The following MAP3K4 variants were observed in gnomAD, a reference collection of about 807,000 sequenced individuals.
MAP3K4 encodes mitogen-activated protein kinase kinase kinase 4.
MAP3K4 carries 67 observed loss-of-function variants against 185.6 expected under a neutral mutation model. The ratio of observed to expected loss-of-function variants is 0.36; its 90% confidence interval spans 0.30 to 0.44. The LOEUF (loss-of-function observed/expected upper bound fraction) is 0.44. Among genes scored for constraint, MAP3K4 ranks in the 20% least tolerant of loss-of-function variants. The pLI is 1.00. For synonymous variants in MAP3K4, 702 were observed against 710.4 expected (o/e 0.99, Z 0.19); for missense variants, 1,551 against 1,995.1 (o/e 0.78, Z 4.24).
At chr6:161,020,518 C>T (rs371350619) in intron 1 of MAP3K4, among the ~76,000 whole-genome samples, 2 of 151,836 alleles carry the variant, frequency 1.3e-5, no homozygotes, top group South Asian at 4.2e-4. Flanking sequence ...ATTAGCTGGG[C>T]GTGGTAGTGC....
intron 13 of MAP3K4, 68 bp from the exon 14 acceptor site, chr6:161,092,910 G>T: frequency 1.1e-6 from 1 of 909,826 alleles, no homozygotes; most frequent in Non-Finnish European, 1.8e-6. Context: ...TTTCAGTATT[G>T]TACAGTCTAA....
chr6:161,034,325 T>G lies in MAP3K4; in HGVS notation c.219T>G (p.Asp73Glu). ...AATCTGATCTAGAAGACTTCTCCGA[T>G]GAAACAAATACAGAGAATCTTTATG... is the stretch of plus-strand genomic sequence containing the variant. ...SPESDLEDFS[D>E]ETNTENLYGT... is the part of the protein sequence containing the mutation. Residue 73 changes from aspartate (D) to glutamate (E), a missense_variant, in exon 2 of 27, where the codon GAT becomes GAG. This residue lies in a region of MAP3K4 where 287 missense variants were observed against 268.8 expected (regional missense o/e 1.07). Coordinates refer to ENST00000392142, the MANE Select transcript of MAP3K4 (RefSeq NM_005922.4). The surrounding 1 kb of genome is among the most constrained non-coding windows in gnomAD (Gnocchi z 4.4). 6.2e-7 allele frequency: 1 copy of G among 1,613,986 alleles called. No individual in the cohort carries two copies. Among genetic ancestry groups the G allele is most frequent in the South Asian group, 1.1e-5 (1 of 91,078 alleles).
At chr6:161,002,027 G>A (rs1212475635) in intron 1 of MAP3K4, among the ~76,000 whole-genome samples, 1 of 146,252 alleles carries the variant, frequency 6.8e-6, no homozygotes, top group East Asian at 2.0e-4. Flanking sequence ...AACGTCTGCA[G>A]AAGCCATAGA....
intron 1 of MAP3K4, among the ~76,000 whole-genome samples, chr6:161,013,522 C>T (rs1781943163): frequency 6.6e-6 from 1 of 152,182 alleles, no homozygotes; most frequent in South Asian, 2.1e-4. Context: ...ATTTCAGATT[C>T]ATTTTCTAGG....
chr6:161,005,435 C>G lies in MAP3K4; in HGVS notation c.152+13352C>G, dbSNP rs144827176. Reference sequence around the variant, plus strand: ...GATTAGAGGTGTGAGCCATTGTGCCCAGCTTTAGACTTAAATTGTGTTTAA... The same window carrying G: ...GATTAGAGGTGTGAGCCATTGTGCCGAGCTTTAGACTTAAATTGTGTTTAA... On this transcript the variant is annotated intron_variant, in intron 1 of 26. Transcript: ENST00000392142. Among the ~76,000 whole-genome samples, 1,018 of 152,126 alleles carry G rather than the reference C, an allele frequency of 6.7e-3. 9 individuals carry two copies. The highest frequency in any genetic ancestry group is 0.023 in the African/African-American group (967 of 41,470).
Position 161,034,136 on chromosome 6 carries a change from C to T in MAP3K4, c.153-123C>T. 1.5e-6 allele frequency: 1 copy of T among 677,866 alleles called. No individual in the cohort carries two copies. Among genetic ancestry groups the T allele is most frequent in the East Asian group, 2.8e-5 (1 of 35,268 alleles). 42.0% of individuals were successfully genotyped at this position (677,866 alleles called of 1,614,324 possible). On this transcript the variant is annotated intron_variant, in intron 1 of 26. Coordinates refer to ENST00000392142, the MANE Select transcript of MAP3K4 (RefSeq NM_005922.4). The surrounding 1 kb of genome is among the most constrained non-coding windows in gnomAD (Gnocchi z 4.4). ...TTTCACAGGTAAAAATGAGGAGGAG[C>T]ACAGTGCTGAAGAGATTTTTCTGTA... is the stretch of plus-strand genomic sequence containing the variant.
intron 2 of MAP3K4, among the ~76,000 whole-genome samples, chr6:161,046,194 G>T (rs1234677220): frequency 6.6e-6 from 1 of 152,060 alleles, no homozygotes; most frequent in African/African-American, 2.4e-5. Context: ...CAGTAATAAA[G>T]TATAATATGA....
rs755852016 is a variant in MAP3K4 at position 161,112,798 on chromosome 6, C to A, written c.4626+24C>A. The A allele has an allele frequency of 1.3e-6, 2 of 1,508,228 alleles. No individual in the cohort carries two copies. The highest frequency in any genetic ancestry group is 8.9e-7 in the Non-Finnish European group (1 of 1,121,480). The allele number at this position is 1,508,228 out of a possible 1,614,324, so 93.4% of individuals were successfully genotyped here. Reference sequence around the variant, plus strand: ...AGGTAAGCGGAGCCCCCACACCTGGCGGAGCAACTTCAGAAGGGCACTGTG... The same window carrying A: ...AGGTAAGCGGAGCCCCCACACCTGGAGGAGCAACTTCAGAAGGGCACTGTG... On this transcript the variant is annotated intron_variant, in intron 25 of 26. Coordinates refer to ENST00000392142, the MANE Select transcript of MAP3K4 (RefSeq NM_005922.4). This position sits in a 1 kb window ranked among gnomAD's most constrained non-coding sequence, Gnocchi z 5.1.
intron 1 of MAP3K4, among the ~76,000 whole-genome samples, chr6:160,994,525 A>G (rs2115028404): frequency 6.6e-6 from 1 of 151,562 alleles, no homozygotes; most frequent in South Asian, 2.1e-4. Flanking sequence ...TTCTTTATCC[A>G]CTCATTGGTT....
In MAP3K4 at chr6:160,995,961, T is replaced by A. The variant is rs556291375; in HGVS notation, c.152+3878T>A. Among the ~76,000 whole-genome samples the A allele has an allele frequency of 4.5e-4, 69 of 152,342 alleles. No individual in the cohort carries two copies. The East Asian group carries it at 7.7e-3, about 17-fold the overall frequency. The stretch of plus-strand genomic sequence containing the variant: ...CATAAATTTAACAATTAACTTTTTT[T>A]AAAAAATGAATTATTTACTTTATAT... On this transcript the variant is annotated intron_variant, in intron 1 of 26. Transcript: ENST00000392142.
intron 19 of MAP3K4, among the ~76,000 whole-genome samples, chr6:161,104,313 C>T (rs1400660051): frequency 1.3e-5 from 2 of 151,168 alleles, no homozygotes; most frequent in South Asian, 2.1e-4. Flanking sequence ...ACTCAGGAGG[C>T]TGAGGCAGAA....
At chr6:161,023,404 A>G (rs9347478) in intron 1 of MAP3K4, among the ~76,000 whole-genome samples, 94,998 of 152,136 alleles carry the variant, frequency 0.62, 30,607 homozygotes, top group Admixed American at 0.73. Context: ...CCATCATGCT[A>G]ACCTAAAGCC....
intron 13 of MAP3K4, 135 bp from the exon 14 acceptor site, chr6:161,092,843 C>T (rs999239935): frequency 3.9e-6 from 2 of 507,980 alleles, no homozygotes; most frequent in Non-Finnish European, 7.1e-6. Flanking sequence ...TGTAAACTTA[C>T]TGAACCCAAG....
rs1362594675 is a variant in MAP3K4 at position 161,071,644 on chromosome 6, G to T, written c.1950+794G>T. Among the ~76,000 whole-genome samples, 7 of 152,168 alleles carry T rather than the reference G, an allele frequency of 4.6e-5. No individual in the cohort carries two copies. The highest frequency in any genetic ancestry group is 1.7e-4 in the African/African-American group (7 of 41,430). ...ATACAGTAGGTACAAAATAGGATTT[G>T]TTTGTTTAATTAGGAGTAGAATAGA... On this transcript the variant is annotated intron_variant, in intron 4 of 26. Transcript: ENST00000392142. This position sits in a 1 kb window ranked among gnomAD's most constrained non-coding sequence, Gnocchi z 4.6.
intron 6 of MAP3K4, 83 bp downstream of exon 6, chr6:161,081,121 T>G (rs1407732404): frequency 6.9e-7 from 1 of 1,440,958 alleles, no homozygotes; most frequent in Non-Finnish European, 9.5e-7. Flanking sequence ...TCCTATGTGT[T>G]TGTATGTTTA....
At position 160,992,027 on chromosome 6, in the gene MAP3K4, A is replaced by ACCACCG. The variant is rs1297357598; in HGVS notation, c.103_108dup (p.Pro35_Pro36dup). 2.6e-6 allele frequency: 4 copies of ACCACCG among 1,549,484 alleles called. No homozygotes were observed. Among genetic ancestry groups the ACCACCG allele is most frequent in the South Asian group, 2.4e-5 (2 of 84,730 alleles). ...AGCCGCCGCCACCGCCGCCGCCGCC[A>ACCACCG]CCACCGCCACCGGAACCCGAGACCG... On this transcript the variant is annotated inframe_insertion, in exon 1 of 27. Transcript: ENST00000392142.
chr6:160,997,088 C>G (rs527546837), intron 1 of MAP3K4, among the ~76,000 whole-genome samples: 10 of 152,282 alleles, frequency 6.6e-5, no homozygotes, highest in African/African-American at 2.4e-4. Context: ...GTCTTTATAA[C>G]AAACCTTGCT....
intron 1 of MAP3K4, among the ~76,000 whole-genome samples, chr6:160,997,646 G>C (rs537576741): frequency 6.6e-6 from 1 of 152,170 alleles, no homozygotes; most frequent in African/African-American, 2.4e-5. Context: ...GCCAAAATTT[G>C]AGGTAGTTTT....
rs1031488508 is a variant in MAP3K4 at position 161,080,725 on chromosome 6, A to G, written c.2098-156A>G. On this transcript the variant is annotated intron_variant, in intron 5 of 26. Coordinates refer to ENST00000392142, the MANE Select transcript of MAP3K4 (RefSeq NM_005922.4). This position sits in a 1 kb window ranked among gnomAD's most constrained non-coding sequence, Gnocchi z 4.8. ...AAAAATCCTCATTTAGACCTCAGCT[A>G]ACAGTGGTGAGAACCTTGCTTCTGT... The G allele has an allele frequency of 1.8e-5, 11 of 627,490 alleles. No individual in the cohort carries two copies. The highest frequency in any genetic ancestry group is 2.5e-5 in the Non-Finnish European group (9 of 355,112). 38.9% of individuals were successfully genotyped at this position (627,490 alleles called of 1,614,324 possible).
Sources: gnomAD v4.1 joint callset for allele counts (sites outside exome capture counted in the v4.1 genomes callset) on GRCh38, gnomAD v4.1.1 for gene constraint, gnomAD v4.1.1 regional missense constraint, Gnocchi (gnomAD v3.1) non-coding constraint, MANE v1.5 for transcripts, NCBI Gene and HGNC (gene_info 2026-07-23, HGNC 2026-07-21) for gene names.